The following SHISA5 variants were observed in gnomAD, a reference collection of about 807,000 sequenced individuals.
The protein encoded by SHISA5 is shisa family member 5.
Under a neutral mutation model 27.5 loss-of-function variants are expected in SHISA5, and 21 were observed. The ratio of observed to expected loss-of-function variants is 0.76; its 90% CI spans 0.54 to 1.10. SHISA5 has a LOEUF of 1.10. SHISA5 is among the 50% of genes least tolerant of loss of function. The pLI is 0.00. For missense variants in SHISA5, 314 were observed against 336.3 expected (o/e 0.93, Z 0.52); for synonymous variants, 137 against 142.2 (o/e 0.96, Z 0.26).
rs763357537 is a variant in SHISA5 at position 48,476,198 on chromosome 3, G to A, written c.314+2979C>T. ...TCTACTAAAAATACAAAAATTAGCC[G>A]GGCATGGTGGCCGGCACCTGTAATC... On this transcript the variant is annotated intron_variant, in intron 3 of 5. Transcript: ENST00000296444. 1.3e-4 allele frequency among the ~76,000 whole-genome samples: 20 copies of A among 152,088 alleles called. 1 individual carries two copies. In the East Asian group the frequency reaches 2.9e-3, roughly 22 times the overall value.
chr3:48,498,602 G>T (rs749254820), intron 2 of SHISA5, among the ~76,000 whole-genome samples: 16 of 150,160 alleles, frequency 1.1e-4, no homozygotes, highest in Non-Finnish European at 2.2e-4. Flanking sequence ...CAGGATAATT[G>T]CTTGAACCTG....
intron 3 of SHISA5, among the ~76,000 whole-genome samples, chr3:48,478,880 G>A (rs9311428): frequency 0.63 from 94,993 of 151,598 alleles, 29,827 homozygotes; most frequent in South Asian, 0.72. Context: ...CCCCCATCGG[G>A]ACCCATCAGT....
Position 48,479,228 on chromosome 3 carries a change from TG to T in SHISA5, c.262del (p.Gln88SerfsTer6). 1 of 1,462,466 alleles carries T rather than the reference TG, an allele frequency of 6.8e-7. No homozygotes were observed. The highest frequency in any genetic ancestry group is 9.1e-7 in the Non-Finnish European group (1 of 1,102,690). 90.6% of individuals were successfully genotyped at this position (1,462,466 alleles called of 1,614,324 possible). ...SVPASVEPVE[Q>X]LGSALRFRPG... ...GCGAAACCTCAGCGCCGAGCCCAGC[TG>T]CTCCACCGGCTCTACACTGGCAGGC... On this transcript the variant is annotated frameshift_variant, in exon 3 of 6. Transcript: ENST00000296444. LOFTEE classifies it high-confidence loss of function.
At chr3:48,504,737 C>T (rs1163951943), upstream of SHISA5, 2 of 152,372 alleles carry the variant, frequency 1.3e-5, no homozygotes, top group African/African-American at 4.8e-5. The surrounding 1 kb of genome is among the most constrained non-coding windows in gnomAD (Gnocchi z 4.0). Flanking sequence ...ACCATCATCC[C>T]AAGGTGATCC....
rs1022549221 is a variant in SHISA5 at position 48,473,246 on chromosome 3, G to T, written c.315-3403C>A. 7.0e-7 allele frequency: 1 copy of T among 1,423,222 alleles called. No individual in the cohort carries two copies. Among genetic ancestry groups the T allele is most frequent in the African/African-American group, 1.4e-5 (1 of 69,416 alleles). 88.2% of individuals were successfully genotyped at this position (1,423,222 alleles called of 1,614,324 possible). ...GCAGCCAAGGAGCCAAGGGGCGGGG[G>T]CCGGGGAGGAGGGGAAGCAGAGGTG... On this transcript the variant is annotated intron_variant, in intron 3 of 5. Coordinates refer to ENST00000296444, the MANE Select transcript of SHISA5 (RefSeq NM_016479.6). The surrounding 1 kb of genome is among the most constrained non-coding windows in gnomAD (Gnocchi z 4.3).
chr3:48,479,854 G>C (rs1168986358), intron 2 of SHISA5, among the ~76,000 whole-genome samples: 1 of 151,278 alleles, frequency 6.6e-6, no homozygotes, highest in East Asian at 1.9e-4. Context: ...GCCTCCCAAA[G>C]TGCTGGGATT....
At chr3:48,480,161 C>G (rs1398043720) in intron 2 of SHISA5, among the ~76,000 whole-genome samples, 2 of 151,982 alleles carry the variant, frequency 1.3e-5, no homozygotes, top group Admixed American at 1.3e-4. Context: ...CCTTGGCCTC[C>G]CAAAGTGCTG....
intron 2 of SHISA5, among the ~76,000 whole-genome samples, chr3:48,491,565 T>G (rs2041427492): frequency 6.6e-6 from 1 of 152,182 alleles, no homozygotes. Flanking sequence ...CATATTCGGC[T>G]CAGAATAAAT....
At chr3:48,486,443 AT>A (rs2041243348) in intron 2 of SHISA5, among the ~76,000 whole-genome samples, 1 of 102,638 alleles carries the variant, frequency 9.7e-6, no homozygotes, top group Non-Finnish European at 1.8e-5. Flanking sequence ...TATATTTATA[AT>A]ATTATATATT....
In SHISA5 at chr3:48,468,820, C is replaced by T; in HGVS notation, c.*287G>A. 1 of 1,471,540 alleles carries T rather than the reference C, an allele frequency of 6.8e-7. No homozygotes were observed. The allele number at this position is 1,471,540 out of a possible 1,614,324, so 91.2% of individuals were successfully genotyped here. A position where few individuals can be genotyped will look rare whatever the true frequency, so the allele number is the denominator to read the frequency against. ...CTCAGGGGCCACCTCACAGGGTGCCCCCCACCACCCCATTCTTTGAGTTTG... is the reference window on the plus strand; with the variant it reads ...CTCAGGGGCCACCTCACAGGGTGCCTCCCACCACCCCATTCTTTGAGTTTG... On this transcript the variant is annotated 3_prime_UTR_variant, in exon 6 of 6. Transcript: ENST00000296444.
At chr3:48,483,158 G>A (rs914277507) in intron 2 of SHISA5, among the ~76,000 whole-genome samples, 5 of 151,712 alleles carry the variant, frequency 3.3e-5, no homozygotes, top group Admixed American at 1.3e-4. Context: ...CAGAGTCATA[G>A]GACAATAGTG....
At chr3:48,485,183 G>A (rs1317434342) in intron 2 of SHISA5, among the ~76,000 whole-genome samples, 3 of 151,754 alleles carry the variant, frequency 2.0e-5, no homozygotes, top group Non-Finnish European at 2.9e-5. Context: ...TCAAAAAAAC[G>A]AAAAGAAATA....
intron 3 of SHISA5, among the ~76,000 whole-genome samples, chr3:48,476,219 T>C (rs914058021): frequency 6.6e-6 from 1 of 151,906 alleles, no homozygotes; most frequent in South Asian, 2.1e-4. Context: ...CCGGCACCTG[T>C]AATCCCAGCT....
chr3:48,502,825 G>A (rs146672093), intron 1 of SHISA5, among the ~76,000 whole-genome samples: 423 of 152,328 alleles, frequency 2.8e-3, no homozygotes, highest in African/African-American at 9.4e-3. Context: ...GCCATAGCAC[G>A]TGGCCTCTGG....
In SHISA5 at chr3:48,469,257, A is replaced by T. The variant is rs1482851754; in HGVS notation, c.644-71T>A. ...CCGTGTGAGTGGCAGGCAAGCAGAA[A>T]GGGGCAGAGGCCTGTTGAGTGATGT... On this transcript the variant is annotated intron_variant, in intron 5 of 5. Coordinates refer to ENST00000296444, the MANE Select transcript of SHISA5 (RefSeq NM_016479.6). This position sits in a 1 kb window ranked among gnomAD's most constrained non-coding sequence, Gnocchi z 4.6. 5.7e-6 allele frequency: 9 copies of T among 1,586,420 alleles called. No individual in the cohort carries two copies. In the African/African-American group the frequency reaches 1.2e-4, roughly 21 times the overall value.
chr3:48,471,554 CAAAAAA>C (rs1553822500), intron 3 of SHISA5, among the ~76,000 whole-genome samples: 1 of 16,710 alleles, frequency 6.0e-5, no homozygotes, highest in Admixed American at 6.2e-4. Context: ...GACTCTGTCT[CAAAAAA>C]AAAAAAAAAA....
chr3:48,485,568 A>G, intron 2 of SHISA5, among the ~76,000 whole-genome samples: 2 of 144,682 alleles, frequency 1.4e-5, no homozygotes, highest in Middle Eastern at 7.2e-3. Flanking sequence ...TATATATAAT[A>G]TATATTCTAT....
chr3:48,477,965 A>T (rs1038558131), intron 3 of SHISA5, among the ~76,000 whole-genome samples: 5 of 152,104 alleles, frequency 3.3e-5, no homozygotes, highest in Non-Finnish European at 7.4e-5. Flanking sequence ...TGCTCTTTCC[A>T]TCTTCCACAG....
rs140997325 is a variant in SHISA5 at position 48,503,488 on chromosome 3, C to T, written c.76+531G>A. 4.7e-3 allele frequency among the ~76,000 whole-genome samples: 720 copies of T among 152,322 alleles called. 6 individuals are homozygous for T. Among genetic ancestry groups the T allele is most frequent in the African/African-American group, 0.016 (678 of 41,568 alleles). ...TTCCTAACCCTTTAAAGGACCCGCCCCCAGCCAGCCTTCCAGACTCTGTGA... is the reference window on the plus strand; with the variant it reads ...TTCCTAACCCTTTAAAGGACCCGCCTCCAGCCAGCCTTCCAGACTCTGTGA... On this transcript the variant is annotated intron_variant, in intron 1 of 5. Transcript: ENST00000296444.
Sources: gnomAD v4.1 joint callset for allele counts (sites outside exome capture counted in the v4.1 genomes callset) on GRCh38, gnomAD v4.1.1 for gene constraint, Gnocchi (gnomAD v3.1) non-coding constraint, MANE v1.5 for transcripts, NCBI Gene and HGNC (gene_info 2026-07-23, HGNC 2026-07-21) for gene names.